The following MMD2 variants were observed in gnomAD, a reference collection of about 807,000 sequenced individuals.
MMD2 encodes monocyte to macrophage differentiation factor 2.
In MMD2, 30 loss-of-function variants were observed where a neutral mutation model predicts 33.5. The ratio of observed to expected loss-of-function variants is 0.90; its 90% CI spans 0.67 to 1.22. The LOEUF (loss-of-function observed/expected upper bound fraction) is 1.22. Ranked by LOEUF, MMD2 falls within the 50% of genes most tolerant of loss-of-function variation. MMD2 has a pLI of 0.00. For synonymous variants in MMD2, 129 were observed against 123.0 expected (o/e 1.05, Z -0.32); for missense variants, 364 against 325.4 (o/e 1.12, Z -0.91).
intron 1 of MMD2, among the ~76,000 whole-genome samples, chr7:4,953,246 C>T (rs529729930): frequency 6.6e-6 from 1 of 151,716 alleles, no homozygotes; most frequent in East Asian, 1.9e-4. Flanking sequence ...AATGTGAGCT[C>T]CAGGAGGGCA....
chr7:4,953,883 TG>T (rs1360036737), intron 1 of MMD2, among the ~76,000 whole-genome samples: 14 of 152,006 alleles, frequency 9.2e-5, no homozygotes, highest in African/African-American at 3.4e-4. Flanking sequence ...TTTTTGGAGA[TG>T]GAGTTGTTCT....
chr7:4,903,347 C>T (rs565873704), downstream of MMD2, among the ~76,000 whole-genome samples: 29 of 152,120 alleles, frequency 1.9e-4, no homozygotes, highest in Non-Finnish European at 3.5e-4. Context: ...CCCCTGCCCA[C>T]GACCAAAGTG....
At chr7:4,932,641 GAGA>G (rs1470041321) in intron 1 of MMD2, among the ~76,000 whole-genome samples, 1 of 126,270 alleles carries the variant, frequency 7.9e-6, no homozygotes, top group African/African-American at 3.0e-5. Context: ...TTTTTTTTTT[GAGA>G]AGGAGTTTTG....
In MMD2 at chr7:4,931,898, A is replaced by G. The variant is rs112867731; in HGVS notation, c.48-6366T>C. On this transcript the variant is annotated intron_variant, in intron 1 of 6. Transcript: ENST00000401401. ...TTCATTTAGAGAGACTCTGCCCAAA[A>G]GCCCTCCAGGAGGCCGGGCCAATTT... Among the ~76,000 whole-genome samples the G allele has an allele frequency of 7.1e-3, 1,086 of 152,210 alleles. 13 individuals are homozygous for G. Among genetic ancestry groups the G allele is most frequent in the African/African-American group, 0.024 (990 of 41,528 alleles).
At chr7:4,928,053 C>T (rs950207866) in intron 1 of MMD2, among the ~76,000 whole-genome samples, 3 of 152,166 alleles carry the variant, frequency 2.0e-5, no homozygotes, top group Admixed American at 6.6e-5. Context: ...ACCTGGCTGT[C>T]GGACCAGCAG....
downstream of MMD2, among the ~76,000 whole-genome samples, chr7:4,905,119 G>A (rs1048000155): frequency 6.6e-6 from 1 of 152,174 alleles, no homozygotes; most frequent in African/African-American, 2.4e-5. This position sits in a 1 kb window ranked among gnomAD's most constrained non-coding sequence, Gnocchi z 5.0. Flanking sequence ...TGCCCAGGAG[G>A]AGGGGGCACA....
At chr7:4,929,267 C>A (rs1051905230) in intron 1 of MMD2, among the ~76,000 whole-genome samples, 3 of 152,110 alleles carry the variant, frequency 2.0e-5, no homozygotes, top group Non-Finnish European at 2.9e-5. Flanking sequence ...AACTAAGACC[C>A]CTGGGGCCAG....
intron 3 of MMD2, among the ~76,000 whole-genome samples, chr7:4,919,462 C>A (rs753217702): frequency 2.0e-5 from 3 of 150,668 alleles, no homozygotes; most frequent in African/African-American, 7.3e-5. Context: ...CTCAGTTCCT[C>A]AGGCGGCTGA....
chr7:4,937,702 C>A (rs1200964655), intron 1 of MMD2, among the ~76,000 whole-genome samples: 1 of 152,098 alleles, frequency 6.6e-6, no homozygotes, highest in African/African-American at 2.4e-5. Flanking sequence ...GAGACAGAAT[C>A]TCGCCATGTT....
intron 3 of MMD2, among the ~76,000 whole-genome samples, chr7:4,916,705 G>A (rs1785153439): frequency 6.6e-6 from 1 of 152,020 alleles, no homozygotes; most frequent in Non-Finnish European, 1.5e-5. Flanking sequence ...TTTAATCAGA[G>A]CCACTGTGCA....
intron 2 of MMD2, among the ~76,000 whole-genome samples, chr7:4,923,935 G>A (rs1583372072): frequency 6.6e-6 from 1 of 152,174 alleles, no homozygotes; most frequent in Non-Finnish European, 1.5e-5. Context: ...GCTCACACCT[G>A]TAATCCCAGC....
At chr7:4,925,576 G>C in intron 1 of MMD2, 44 bp from the exon 2 acceptor site, 2 of 1,456,398 alleles carry the variant, frequency 1.4e-6, no homozygotes, top group Non-Finnish European at 1.9e-6. Context: ...CTGGGCAAGA[G>C]GTGCCATCCG....
intron 2 of MMD2, among the ~76,000 whole-genome samples, chr7:4,923,101 C>CTT (rs879361071): frequency 3.4e-5 from 5 of 145,034 alleles, no homozygotes; most frequent in African/African-American, 1.0e-4. Flanking sequence ...CAATTCAGCA[C>CTT]TTTTTTTTTT....
chr7:4,908,609 T>C (rs113415732), intron 6 of MMD2, among the ~76,000 whole-genome samples: 2,186 of 151,664 alleles, frequency 0.014, 63 homozygotes, highest in African/African-American at 0.051. Context: ...ATAAACGAAA[T>C]GAGCTCAAGG....
At chr7:4,944,035 G>A (rs1461334367) in intron 1 of MMD2, among the ~76,000 whole-genome samples, 1 of 151,846 alleles carries the variant, frequency 6.6e-6, no homozygotes, top group African/African-American at 2.4e-5. Flanking sequence ...TTTAGCTCAA[G>A]CAATCTTCCC....
the MMD2 span, among the ~76,000 whole-genome samples, chr7:4,899,053 C>A: frequency 6.6e-6 from 1 of 152,116 alleles, no homozygotes; most frequent in Admixed American, 6.6e-5. Flanking sequence ...TGCATCTTCA[C>A]GAATGGGATT....
At chr7:4,896,421 A>G in the MMD2 span, among the ~76,000 whole-genome samples, 1 of 152,222 alleles carries the variant, frequency 6.6e-6, no homozygotes, top group African/African-American at 2.4e-5. Flanking sequence ...CAGAAGTTGC[A>G]GTGAGCACAG....
At chr7:4,910,015 T>C (rs773751938) in intron 5 of MMD2, 65 bp from the exon 6 acceptor site, 1 of 1,613,812 alleles carries the variant, frequency 6.2e-7, no homozygotes, top group Admixed American at 1.7e-5. Context: ...TGCACACAGC[T>C]CCCTGTTCTT....
At chr7:4,935,659 CAGAGCA>C (rs1785718995) in intron 1 of MMD2, among the ~76,000 whole-genome samples, 1 of 111,702 alleles carries the variant, frequency 9.0e-6, no homozygotes, top group African/African-American at 3.7e-5. Flanking sequence ...GCCTGAATAA[CAGAGCA>C]AGACCCTGTC....
Sources: allele counts gnomAD v4.1 joint callset (sites outside exome capture counted in the v4.1 genomes callset), GRCh38; gene constraint gnomAD v4.1.1; non-coding constraint Gnocchi (gnomAD v3.1); transcripts MANE v1.5; gene names NCBI Gene and HGNC (gene_info 2026-07-23, HGNC 2026-07-21).